The following RIMS2 variants were observed in gnomAD, a reference collection of about 807,000 sequenced individuals.
The protein encoded by RIMS2 is regulating synaptic membrane exocytosis 2.
A neutral mutation model predicts 174.4 loss-of-function variants in RIMS2; 59 were observed. The ratio of observed to expected loss-of-function variants is 0.34; its 90% CI spans 0.27 to 0.42. The LOEUF (loss-of-function observed/expected upper bound fraction) is 0.42, where lower values mean the gene tolerates loss of function less well. RIMS2 is among the 10% of genes least tolerant of loss of function. RIMS2 has a pLI of 1.00. For missense variants in RIMS2, 1,620 were observed against 1,666.3 expected, an observed-to-expected ratio of 0.97 and a Z score of 0.48; for synonymous variants, 606 against 572.5, an observed-to-expected ratio of 1.06 and a Z score of -0.84.
At chr8:103,753,894 G>T (rs1455153144) in intron 2 of RIMS2, among the ~76,000 whole-genome samples, 1 of 152,042 alleles carries the variant, frequency 6.6e-6, no homozygotes, top group African/African-American at 2.4e-5. Flanking sequence ...TGGATTCACT[G>T]ATTTTTTCAA....
At chr8:103,593,542 T>C (rs1489484287) in intron 1 of RIMS2, among the ~76,000 whole-genome samples, 1 of 151,476 alleles carries the variant, frequency 6.6e-6, no homozygotes, top group Non-Finnish European at 1.5e-5. Flanking sequence ...TATTCTTTCC[T>C]TTTCCAATCA....
At chr8:103,885,677 T>A (rs1320629200) in exon 4 of RIMS2, 1 of 1,613,012 alleles carries the variant, frequency 6.2e-7, no homozygotes, top group Non-Finnish European at 8.5e-7. Context: ...TGCTGAAGTG[T>A]CCCGAGCACG....
At chr8:104,055,743 C>CCT (rs1230773795) in intron 19 of RIMS2, among the ~76,000 whole-genome samples, 10 of 152,136 alleles carry the variant, frequency 6.6e-5, no homozygotes, top group Non-Finnish European at 1.3e-4. Context: ...GAAGCATTTG[C>CCT]ACTTTAGCCT....
At chr8:103,924,188 A>G (rs976524423) in intron 10 of RIMS2, among the ~76,000 whole-genome samples, 4 of 151,708 alleles carry the variant, frequency 2.6e-5, no homozygotes, top group African/African-American at 9.7e-5. Context: ...AAATTTTAGG[A>G]TTCTTGAAAT....
At chr8:104,014,707 T>A in intron 19 of RIMS2, 92 bp downstream of exon 21, 1 of 682,114 alleles carries the variant, frequency 1.5e-6, no homozygotes, top group Non-Finnish European at 2.6e-6. Context: ...TTAATTTTCT[T>A]CTTTTGTTAA....
At chr8:103,825,522 C>T (rs1403859836) in intron 3 of RIMS2, among the ~76,000 whole-genome samples, 12 of 149,576 alleles carry the variant, frequency 8.0e-5, no homozygotes, top group African/African-American at 2.5e-4. Flanking sequence ...TGAGCTCAGG[C>T]GATCCACCTG....
At chr8:103,612,320 T>C (rs1280134761) in intron 1 of RIMS2, among the ~76,000 whole-genome samples, 1 of 152,146 alleles carries the variant, frequency 6.6e-6, no homozygotes, top group Non-Finnish European at 1.5e-5. Flanking sequence ...TGAGGTTATG[T>C]TTTTCTGGAT....
intron 1 of RIMS2, among the ~76,000 whole-genome samples, chr8:103,595,543 A>G (rs546954879): frequency 2.0e-5 from 3 of 152,076 alleles, no homozygotes; most frequent in South Asian, 2.1e-4. Context: ...TCTCAAATCT[A>G]TGAAGTAAGA....
At chr8:103,601,487 TCTC>T (rs35574206) in intron 1 of RIMS2, among the ~76,000 whole-genome samples, 27,554 of 151,956 alleles carry the variant, frequency 0.18, 2,705 homozygotes, top group African/African-American at 0.25. Flanking sequence ...TATAGTGACT[TCTC>T]CTCTTTTTTG....
In RIMS2 at chr8:103,807,329, G is replaced by A. The variant is rs1021285657; in HGVS notation, c.698+40792G>A. Among the ~76,000 whole-genome samples, 124 of 152,250 alleles carry A rather than the reference G, an allele frequency of 8.1e-4. 2 individuals are homozygous for A. Among genetic ancestry groups the A allele is most frequent in the African/African-American group, 2.8e-3 (117 of 41,562 alleles). ...TGTCAAATGATACAGATAAGTCATG[G>A]TAAAAAAAGAACAGAGAATTGTCTG... is the stretch of plus-strand genomic sequence containing the variant. On this transcript the variant is annotated intron_variant, in intron 3 of 23. Transcript: ENST00000504942.
chr8:103,652,292 A>G, intron 1 of RIMS2, 55 bp downstream of exon 2: 2 of 1,046,158 alleles, frequency 1.9e-6, no homozygotes. Context: ...TTTGCCACAT[A>G]CTGCTTTCTG....
At chr8:103,535,512 G>T (rs1488174003) in intron 1 of RIMS2, among the ~76,000 whole-genome samples, 3 of 152,148 alleles carry the variant, frequency 2.0e-5, no homozygotes, top group African/African-American at 7.2e-5. Context: ...ACAGCTAGAA[G>T]AACTGATTTG....
chr8:103,975,685 C>A, intron 16 of RIMS2, 179 bp downstream of exon 18: 1 of 504,764 alleles, frequency 2.0e-6, no homozygotes, highest in Non-Finnish European at 3.5e-6. Flanking sequence ...AGGGAGAAGC[C>A]AGTAGTGGCT....
At chr8:103,652,760 A>G (rs779660493) in intron 1 of RIMS2, 50 bp downstream of exon 3, 1 of 1,089,438 alleles carries the variant, frequency 9.2e-7, no homozygotes, top group South Asian at 1.3e-5. Flanking sequence ...ATAGTATAAC[A>G]TACTGAAAAG....
rs554377165 is a variant in RIMS2, at chr8:103,834,427, C to A, written c.699-50871C>A. On this transcript the variant is annotated intron_variant, in intron 3 of 23. Coordinates refer to ENST00000504942, the Ensembl canonical transcript of RIMS2. Reference sequence around the variant, plus strand: ...TTATTGCTCACTGCAGCTTCAAACTCCTGGGTTGAAGGAATCCTCCTGCCA... The same window carrying A: ...TTATTGCTCACTGCAGCTTCAAACTACTGGGTTGAAGGAATCCTCCTGCCA... 1.1e-4 allele frequency among the ~76,000 whole-genome samples: 16 copies of A among 148,484 alleles called. No homozygotes were observed. The East Asian group carries it at 3.2e-3, about 30-fold the overall frequency.
intron 1 of RIMS2, among the ~76,000 whole-genome samples, chr8:103,570,118 A>G (rs1006462428): frequency 1.3e-5 from 2 of 152,126 alleles, no homozygotes; most frequent in Admixed American, 6.5e-5. Flanking sequence ...ATCCTTTAGA[A>G]CTGCATTAGG....
intron 1 of RIMS2, among the ~76,000 whole-genome samples, chr8:103,658,048 A>C (rs993777440): frequency 6.6e-6 from 1 of 152,226 alleles, no homozygotes; most frequent in African/African-American, 2.4e-5. Flanking sequence ...TGTAACTGCT[A>C]TAATGACTAG....
intron 2 of RIMS2, among the ~76,000 whole-genome samples, chr8:103,757,429 G>A (rs1191271837): frequency 6.6e-6 from 1 of 151,874 alleles, no homozygotes; most frequent in African/African-American, 2.4e-5. Context: ...CTTTGTCATG[G>A]TAGGTTCGTC....
At chr8:103,921,033 CAACAACAACAACAAA>C (rs1256950688) in intron 9 of RIMS2, 6 of 229,508 alleles carry the variant, frequency 2.6e-5, no homozygotes, top group South Asian at 1.5e-4. Flanking sequence ...ACAACAACAA[CAACAACAACAACAAA>C]AACAGGTCTT....
Sources: gnomAD v4.1 joint callset for allele counts (sites outside exome capture counted in the v4.1 genomes callset) on GRCh38, gnomAD v4.1.1 for gene constraint, MANE v1.5 for transcripts, NCBI Gene and HGNC (gene_info 2026-07-23, HGNC 2026-07-21) for gene names.